Variants in KIF13B observed in about 807,000 individuals in gnomAD.
The protein encoded by KIF13B is kinesin family member 13B.
A neutral mutation model predicts 222.0 loss-of-function variants in KIF13B; 127 were observed. The observed-to-expected ratio is 0.57, with a 90% CI of 0.50 to 0.66. The LOEUF is 0.66. Ranked by LOEUF, KIF13B falls within the 30% of genes least tolerant of loss-of-function variation. The probability of loss-of-function intolerance (pLI) is 0.00; values close to 1 mark genes in which losing one functional copy is unlikely to be tolerated. For synonymous variants in KIF13B, 976 were observed against 919.0 expected (o/e 1.06, Z -1.12); for missense variants, 2,173 against 2,379.0 (o/e 0.91, Z 1.80).
At chr8:29,106,666 T>C (rs1446591044) in intron 35 of KIF13B, among the ~76,000 whole-genome samples, 1 of 143,186 alleles carries the variant, frequency 7.0e-6, no homozygotes, top group African/African-American at 2.6e-5. Flanking sequence ...AAAAGTCTAA[T>C]TAATGCATCA....
chr8:29,228,877 C>T (rs1815159485), intron 2 of KIF13B, among the ~76,000 whole-genome samples: 1 of 151,978 alleles, frequency 6.6e-6, no homozygotes, highest in Non-Finnish European at 1.5e-5. Flanking sequence ...TTACAAATGA[C>T]CAAAACGGCT....
At position 29,068,508 on chromosome 8, in the gene KIF13B, G is replaced by GT. The variant is rs1807101854; in HGVS notation, c.*1995dup. 1 of 152,072 alleles carries GT rather than the reference G, an allele frequency of 6.6e-6. No homozygotes were observed. The highest frequency in any genetic ancestry group is 1.5e-5 in the Non-Finnish European group (1 of 68,108). The allele number at this position is 152,072 out of a possible 1,614,324, so 9.4% of individuals were successfully genotyped here. A position where few individuals can be genotyped will look rare whatever the true frequency, so the allele number is the denominator to read the frequency against. ...GAACTCTGGCTCGTTCTACTCCACT[G>GT]TAAGTCAAACCGATGGTAAAAAGCA... On this transcript the variant is annotated 3_prime_UTR_variant, in exon 40 of 40. Coordinates refer to ENST00000524189, the MANE Select transcript of KIF13B (RefSeq NM_015254.4). This position sits in a 1 kb window ranked among gnomAD's most constrained non-coding sequence, Gnocchi z 4.4.
intron 9 of KIF13B, 136 bp from the exon 10 acceptor site, chr8:29,176,315 T>G: frequency 1.6e-6 from 1 of 612,838 alleles, no homozygotes; most frequent in Non-Finnish European, 2.9e-6. Flanking sequence ...GCCGCTCAGT[T>G]CAAAAGCACA....
Position 29,178,752 on chromosome 8 carries a change from T to C in KIF13B, c.721-1174A>G, listed in dbSNP as rs559535899. On this transcript the variant is annotated intron_variant, in intron 8 of 39. Coordinates refer to ENST00000524189, the MANE Select transcript of KIF13B (RefSeq NM_015254.4). Reference sequence around the variant, plus strand: ...TGTTGTTACACTAATCTTGCTGTGATGGTAAAAGGAGAAAAATATGCTTTC... The same window carrying C: ...TGTTGTTACACTAATCTTGCTGTGACGGTAAAAGGAGAAAAATATGCTTTC... Among the ~76,000 whole-genome samples, 12 of 152,156 alleles carry C rather than the reference T, an allele frequency of 7.9e-5. No homozygotes were observed. The South Asian group carries it at 1.7e-3, about 21-fold the overall frequency.
At chr8:29,219,908 C>CAA (rs1194545391) in intron 2 of KIF13B, among the ~76,000 whole-genome samples, 1 of 151,960 alleles carries the variant, frequency 6.6e-6, no homozygotes, top group East Asian at 1.9e-4. Context: ...ACTAAAAATA[C>CAA]AAAACATTAG....
At chr8:29,196,576 T>C (rs908831616) in intron 2 of KIF13B, among the ~76,000 whole-genome samples, 1 of 152,226 alleles carries the variant, frequency 6.6e-6, no homozygotes, top group African/African-American at 2.4e-5. Context: ...CCAAGTAGTT[T>C]TCTCTGCTTT....
intron 14 of KIF13B, among the ~76,000 whole-genome samples, chr8:29,152,857 C>T (rs952000670): frequency 1.3e-5 from 2 of 151,994 alleles, no homozygotes; most frequent in Non-Finnish European, 2.9e-5. Context: ...GGATTACAGG[C>T]GTGAGCCACC....
intron 1 of KIF13B, among the ~76,000 whole-genome samples, chr8:29,255,318 C>A (rs533469784): frequency 6.6e-6 from 1 of 152,248 alleles, no homozygotes; most frequent in African/African-American, 2.4e-5. Flanking sequence ...GAATGGATGA[C>A]CCCAGTACCC....
At position 29,181,924 on chromosome 8, in the gene KIF13B, A is replaced by T. The variant is rs1463651257; in HGVS notation, c.580T>A (p.Tyr194Asn). 6.2e-7 allele frequency: 1 copy of T among 1,611,880 alleles called. No homozygotes were observed. Among genetic ancestry groups the T allele is most frequent in the South Asian group, 1.1e-5 (1 of 90,908 alleles). ...CACATACAGGATGTTGTTACCTTGT[A>T]GCTTGTGACAGCCAGTTTAGAAAGT... ...DGLSKLAVTS[Y>N]KDIESLMSEG... Residue 194 changes from tyrosine (Y) to asparagine (N), a missense_variant, in exon 7 of 40, where the codon TAC becomes AAC. By Grantham distance (143) the Tyr-to-Asn change is moderately radical. Coordinates refer to ENST00000524189, the MANE Select transcript of KIF13B (RefSeq NM_015254.4).
intron 24 of KIF13B, among the ~76,000 whole-genome samples, chr8:29,129,279 A>C (rs1810244842): frequency 6.6e-6 from 1 of 152,246 alleles, no homozygotes; most frequent in African/African-American, 2.4e-5. Context: ...GCCTTCCAGT[A>C]GATGAATTTC....
chr8:29,168,036 T>C (rs991448494), intron 10 of KIF13B, among the ~76,000 whole-genome samples: 1 of 152,244 alleles, frequency 6.6e-6, no homozygotes, highest in Non-Finnish European at 1.5e-5. Context: ...AGCCTAATAA[T>C]GGCTCAGAAA....
intron 2 of KIF13B, among the ~76,000 whole-genome samples, chr8:29,227,271 C>T (rs1815067305): frequency 6.6e-6 from 1 of 151,746 alleles, no homozygotes; most frequent in Non-Finnish European, 1.5e-5. Context: ...TTTATACTAA[C>T]TGCTACAGTG....
chr8:29,217,324 G>A (rs1466809706), intron 2 of KIF13B, among the ~76,000 whole-genome samples: 1 of 152,208 alleles, frequency 6.6e-6, no homozygotes, highest in Non-Finnish European at 1.5e-5. Context: ...ATGAGACAGA[G>A]GAAAACACAG....
At chr8:29,164,305 G>A (rs529637421) in intron 12 of KIF13B, among the ~76,000 whole-genome samples, 9 of 152,298 alleles carry the variant, frequency 5.9e-5, no homozygotes, top group African/African-American at 2.2e-4. Flanking sequence ...AAAACAGATT[G>A]AGCAAGTTCT....
chr8:29,259,274 T>A (rs1055114965), intron 1 of KIF13B, among the ~76,000 whole-genome samples: 8 of 152,204 alleles, frequency 5.3e-5, no homozygotes, highest in Non-Finnish European at 1.2e-4. Flanking sequence ...TTTCACCACA[T>A]CAAGTATTGG....
At chr8:29,181,726 C>A (rs1812721029) in intron 7 of KIF13B, among the ~76,000 whole-genome samples, 193 bp downstream of exon 7, 1 of 152,196 alleles carries the variant, frequency 6.6e-6, no homozygotes, top group Non-Finnish European at 1.5e-5. Context: ...CATTTAAAAG[C>A]CTCATCCTAT....
chr8:29,174,918 C>T (rs749269909), intron 10 of KIF13B, among the ~76,000 whole-genome samples: 14 of 152,138 alleles, frequency 9.2e-5, no homozygotes, highest in Non-Finnish European at 2.1e-4. Context: ...TACTTCATTT[C>T]ACAAAGGCCT....
At chr8:29,225,843 C>A (rs1419307489) in intron 2 of KIF13B, among the ~76,000 whole-genome samples, 1 of 152,228 alleles carries the variant, frequency 6.6e-6, no homozygotes. Flanking sequence ...TACATGGTGA[C>A]TAAGCTCACA....
chr8:29,212,455 A>T (rs933174644), intron 2 of KIF13B, among the ~76,000 whole-genome samples: 1 of 152,152 alleles, frequency 6.6e-6, no homozygotes, highest in Non-Finnish European at 1.5e-5. Flanking sequence ...CTAACAACCA[A>T]TGATGCTGAG....
Sources: gnomAD v4.1 joint callset for allele counts (sites outside exome capture counted in the v4.1 genomes callset) on GRCh38, gnomAD v4.1.1 for gene constraint, Gnocchi (gnomAD v3.1) non-coding constraint, MANE v1.5 for transcripts, NCBI Gene and HGNC (gene_info 2026-07-23, HGNC 2026-07-21) for gene names.